The following TTC29 variants were observed in gnomAD, a reference collection of about 807,000 sequenced individuals.
The protein encoded by TTC29 is tetratricopeptide repeat domain 29.
Under a neutral mutation model 58.1 loss-of-function variants are expected in TTC29, and 49 were observed. That is an observed-to-expected ratio of 0.84 (90% CI 0.67 to 1.07). The LOEUF is 1.07. TTC29 is among the 50% of genes least tolerant of loss of function. The pLI, the probability that TTC29 is intolerant of heterozygous loss-of-function variation, is 0.00. For synonymous variants in TTC29, 209 were observed against 196.8 expected, an observed-to-expected ratio of 1.06 and a Z score of -0.52; for missense variants, 582 against 555.6, an observed-to-expected ratio of 1.05 and a Z score of -0.48.
intron 6 of TTC29, among the ~76,000 whole-genome samples, chr4:146,890,037 AAATAAC>A (rs1193207743): frequency 1.3e-5 from 2 of 152,058 alleles, no homozygotes; most frequent in African/African-American, 4.8e-5. Flanking sequence ...TTTATTTCTG[AAATAAC>A]ATCTTTGGTT....
intron 2 of TTC29, chr4:146,942,543 G>T: frequency 1.5e-6 from 2 of 1,352,986 alleles, no homozygotes; most frequent in Non-Finnish European, 2.0e-6. Flanking sequence ...GAGGTTTGAA[G>T]GGACACCAAA....
intron 11 of TTC29, among the ~76,000 whole-genome samples, chr4:146,763,306 T>C (rs1424853183): frequency 1.3e-5 from 2 of 152,092 alleles, no homozygotes; most frequent in Non-Finnish European, 2.9e-5. Context: ...TCTTGGAGTT[T>C]TGAATGAAGA....
chr4:146,763,492 A>G (rs960397042), intron 11 of TTC29, among the ~76,000 whole-genome samples: 2 of 152,156 alleles, frequency 1.3e-5, no homozygotes, highest in African/African-American at 4.8e-5. Context: ...TGTAACATTC[A>G]TCCATATTCA....
chr4:146,803,239 T>TA lies in TTC29; in HGVS notation c.1330+217dup, dbSNP rs558328487. Among the ~76,000 whole-genome samples, 686 of 151,656 alleles carry TA rather than the reference T, an allele frequency of 4.5e-3. 9 individuals are homozygous for TA. The highest frequency in any genetic ancestry group is 0.016 in the African/African-American group (657 of 41,426). On this transcript the variant is annotated intron_variant, in intron 11 of 12. Coordinates refer to ENST00000325106, the MANE Select transcript of TTC29 (RefSeq NM_031956.4). Reference sequence around the variant, plus strand: ...AGCATGAGAATGGTGATTTATCAGGTACACCACATTATTACCACTATTTTA... The same window carrying TA: ...AGCATGAGAATGGTGATTTATCAGGTAACACCACATTATTACCACTATTTTA...
chr4:146,916,393 C>T (rs1734223465), intron 4 of TTC29, among the ~76,000 whole-genome samples: 1 of 151,488 alleles, frequency 6.6e-6, no homozygotes, highest in South Asian at 2.1e-4. Context: ...TGACTTTTTA[C>T]TTTAAAGCCA....
intron 9 of TTC29, among the ~76,000 whole-genome samples, chr4:146,826,477 T>C (rs1179580131): frequency 6.6e-6 from 1 of 152,182 alleles, no homozygotes; most frequent in Non-Finnish European, 1.5e-5. Context: ...CTGAGATGTC[T>C]GCTGTTAGTC....
At chr4:146,836,731 T>C (rs962150287) in intron 8 of TTC29, among the ~76,000 whole-genome samples, 1 of 151,988 alleles carries the variant, frequency 6.6e-6, no homozygotes, top group African/African-American at 2.4e-5. Flanking sequence ...GTTGCCAACA[T>C]GCATATGGAA....
intron 7 of TTC29, among the ~76,000 whole-genome samples, chr4:146,869,022 T>C (rs1320138566): frequency 6.6e-6 from 1 of 151,218 alleles, no homozygotes; most frequent in Non-Finnish European, 1.5e-5. Flanking sequence ...TCTGCCATGA[T>C]TGGAAGCTTC....
chr4:146,903,779 G>T, intron 5 of TTC29, 50 bp from the exon 6 acceptor site: 1 of 1,361,668 alleles, frequency 7.3e-7, no homozygotes, highest in Non-Finnish European at 9.8e-7. Context: ...ATGTCTCATG[G>T]CACACCCTTT....
chr4:146,874,885 T>C lies in TTC29; in HGVS notation c.630A>G (p.Gln210=), dbSNP rs766210283. 21 of 1,613,442 alleles carry C rather than the reference T, an allele frequency of 1.3e-5. No homozygotes were observed. Among genetic ancestry groups the C allele is most frequent in the Non-Finnish European group, 1.8e-5 (21 of 1,179,720 alleles). Residue 210 remains glutamine, a synonymous_variant, in exon 7 of 13, where the codon CAA becomes CAG. Transcript: ENST00000325106. ...CCTTCCATATCCGCCCCTGTGTCAA[T>C]TGATGGAATGCTTCATAATGCTCAG... The part of the protein sequence containing the change: ...EAAEHYEAFH[Q]LTQGRIWKDE...
intron 8 of TTC29, among the ~76,000 whole-genome samples, chr4:146,858,428 A>C (rs1418900567): frequency 1.3e-5 from 2 of 152,188 alleles, no homozygotes; most frequent in African/African-American, 4.8e-5. Context: ...CTTGACCTAT[A>C]TTCCATTAAA....
At chr4:146,903,804 A>C in intron 5 of TTC29, 75 bp from the exon 6 acceptor site, 1 of 1,081,458 alleles carries the variant, frequency 9.2e-7, no homozygotes, top group Non-Finnish European at 1.2e-6. Flanking sequence ...CGGCAAACCA[A>C]TATCATGACT....
At chr4:146,886,073 A>T (rs1731962456) in intron 6 of TTC29, among the ~76,000 whole-genome samples, 1 of 152,108 alleles carries the variant, frequency 6.6e-6, no homozygotes, top group Non-Finnish European at 1.5e-5. Context: ...TATATAATGC[A>T]TATAAAGTTA....
chr4:146,843,814 T>C (rs1303153101), intron 8 of TTC29, among the ~76,000 whole-genome samples: 2 of 152,226 alleles, frequency 1.3e-5, no homozygotes, highest in African/African-American at 4.8e-5. Flanking sequence ...AAACTTTCTC[T>C]GTAAGAAGCA....
intron 4 of TTC29, among the ~76,000 whole-genome samples, chr4:146,933,357 T>A (rs781273732): frequency 1.8e-4 from 28 of 152,352 alleles, no homozygotes; most frequent in Non-Finnish European, 2.5e-4. Flanking sequence ...CTCACATACA[T>A]AGCTAAAGCT....
At chr4:146,884,499 C>T (rs1731846550) in intron 6 of TTC29, among the ~76,000 whole-genome samples, 1 of 152,070 alleles carries the variant, frequency 6.6e-6, no homozygotes, top group Non-Finnish European at 1.5e-5. Context: ...GTTTGATTGG[C>T]TTTATTCCAT....
intron 11 of TTC29, among the ~76,000 whole-genome samples, chr4:146,743,067 A>G (rs1376401293): frequency 6.6e-6 from 1 of 151,984 alleles, no homozygotes; most frequent in Non-Finnish European, 1.5e-5. Flanking sequence ...ACTCTCCATC[A>G]GCGTTAGTCA....
At chr4:146,799,100 ACTCTTGACTAGTAGC>A (rs1305886368) in intron 11 of TTC29, among the ~76,000 whole-genome samples, 4 of 151,820 alleles carry the variant, frequency 2.6e-5, no homozygotes, top group Non-Finnish European at 4.4e-5. Flanking sequence ...AGATCACTGG[ACTCTTGACTAGTAGC>A]CTCTCTGAAT....
chr4:146,742,467 T>C (rs1207716358), intron 11 of TTC29, among the ~76,000 whole-genome samples: 1 of 152,184 alleles, frequency 6.6e-6, no homozygotes, highest in Non-Finnish European at 1.5e-5. Flanking sequence ...TAACAGTTTG[T>C]CCAGTAAATA....
Sources: gnomAD v4.1 joint callset for allele counts (sites outside exome capture counted in the v4.1 genomes callset) on GRCh38, gnomAD v4.1.1 for gene constraint, MANE v1.5 for transcripts, NCBI Gene and HGNC (gene_info 2026-07-23, HGNC 2026-07-21) for gene names.